Variants in RBFOX1 observed in about 807,000 individuals in gnomAD.
The protein encoded by RBFOX1 is RNA binding protein fox-1 homolog 1.
A neutral mutation model predicts 57.7 loss-of-function variants in RBFOX1; 8 were observed. That is an observed-to-expected ratio of 0.14 (90% CI 0.08 to 0.25). The LOEUF (loss-of-function observed/expected upper bound fraction) is 0.25. RBFOX1 is among the 10% of genes least tolerant of loss of function. RBFOX1 has a pLI of 1.00. For synonymous variants in RBFOX1, 326 were observed against 222.4 expected, an observed-to-expected ratio of 1.47 and a Z score of -4.15; for missense variants, 611 against 548.5, an observed-to-expected ratio of 1.11 and a Z score of -1.14.
At chr16:7,459,124 G>A (rs896909465) in intron 4 of RBFOX1, among the ~76,000 whole-genome samples, 9 of 152,140 alleles carry the variant, frequency 5.9e-5, no homozygotes, top group Non-Finnish European at 1.3e-4. Flanking sequence ...ACAGTTGGGT[G>A]GGTGAGTGGA....
intron 3 of RBFOX1, among the ~76,000 whole-genome samples, chr16:5,826,875 A>G (rs908152571): frequency 6.6e-6 from 1 of 152,216 alleles, no homozygotes; most frequent in Non-Finnish European, 1.5e-5. Flanking sequence ...CCGTGGCAGG[A>G]GCAAGCTAAG....
intron 3 of RBFOX1, among the ~76,000 whole-genome samples, chr16:6,658,945 G>GTTTTTT (rs778640073): frequency 8.6e-5 from 12 of 139,438 alleles, no homozygotes; most frequent in Non-Finnish European, 1.4e-4. Flanking sequence ...TGTTTTTTTT[G>GTTTTTT]TTTTTTTTTT....
chr16:5,906,968 C>G (rs1427357962), intron 4 of RBFOX1, among the ~76,000 whole-genome samples: 3 of 151,888 alleles, frequency 2.0e-5, no homozygotes, highest in East Asian at 1.9e-4. Flanking sequence ...AACTCCTGAC[C>G]TCAGGTGATC....
chr16:6,800,157 T>C (rs1467199313), intron 3 of RBFOX1, among the ~76,000 whole-genome samples: 1 of 151,266 alleles, frequency 6.6e-6, no homozygotes, highest in Non-Finnish European at 1.5e-5. Context: ...CCAATTTCTT[T>C]GCGACATCCA....
chr16:6,971,123 A>T lies in RBFOX1; in HGVS notation c.-15-80934A>T, dbSNP rs117345127. On this transcript the variant is annotated intron_variant, in intron 3 of 15. Transcript: ENST00000550418. Reference sequence around the variant, plus strand: ...GTTATAATCTAGCGGAGGAAGACAGACATTTGACAATTGAGTGGGTCTACT... The same window carrying T: ...GTTATAATCTAGCGGAGGAAGACAGTCATTTGACAATTGAGTGGGTCTACT... 3.0e-3 allele frequency among the ~76,000 whole-genome samples: 464 copies of T among 152,330 alleles called. 3 individuals are homozygous for T. Among genetic ancestry groups the T allele is most frequent in the Non-Finnish European group, 5.7e-3 (388 of 68,034 alleles).
intron 4 of RBFOX1, among the ~76,000 whole-genome samples, chr16:5,996,039 C>G (rs988812596): frequency 3.3e-5 from 5 of 152,068 alleles, no homozygotes; most frequent in Admixed American, 2.0e-4. Flanking sequence ...TCTGGGACCT[C>G]TTTTATAAGA....
chr16:7,073,884 G>A (rs554908298), intron 4 of RBFOX1, among the ~76,000 whole-genome samples: 1 of 148,982 alleles, frequency 6.7e-6, no homozygotes, highest in Non-Finnish European at 1.5e-5. Context: ...ATAAATACTA[G>A]ATGTGTAGAA....
At chr16:7,119,585 A>G (rs1366299007) in intron 4 of RBFOX1, among the ~76,000 whole-genome samples, 1 of 152,118 alleles carries the variant, frequency 6.6e-6, no homozygotes, top group Non-Finnish European at 1.5e-5. Flanking sequence ...AGGAAAAACA[A>G]CAACAAAAAA....
chr16:5,509,423 A>G (rs750231604), intron 2 of RBFOX1, among the ~76,000 whole-genome samples: 19 of 152,200 alleles, frequency 1.2e-4, no homozygotes, highest in Non-Finnish European at 1.9e-4. Context: ...TCCCAAGGAC[A>G]GGGGCCTCAG....
At chr16:6,052,221 C>G (rs1463661321) in intron 1 of RBFOX1, among the ~76,000 whole-genome samples, 6 of 152,098 alleles carry the variant, frequency 3.9e-5, no homozygotes, top group Non-Finnish European at 8.8e-5. Context: ...CTTCCATTTC[C>G]TTCATAGTAG....
intron 4 of RBFOX1, among the ~76,000 whole-genome samples, chr16:7,432,055 GA>G (rs1180578059): frequency 6.6e-6 from 1 of 152,228 alleles, no homozygotes; most frequent in Non-Finnish European, 1.5e-5. Context: ...CAGTGGGAAG[GA>G]GGGTGTCACT....
intron 4 of RBFOX1, among the ~76,000 whole-genome samples, chr16:5,868,465 C>T (rs766952136): frequency 1.3e-5 from 2 of 152,222 alleles, no homozygotes; most frequent in African/African-American, 4.8e-5. Flanking sequence ...TGATCCATCA[C>T]ACAGTCGTTA....
At chr16:7,675,951 C>G (rs933671473) in intron 13 of RBFOX1, among the ~76,000 whole-genome samples, 5 of 152,216 alleles carry the variant, frequency 3.3e-5, no homozygotes, top group African/African-American at 7.2e-5. Context: ...GTTTGATCAT[C>G]AACGCTCCAC....
intron 3 of RBFOX1, among the ~76,000 whole-genome samples, chr16:6,938,962 T>C (rs575405138): frequency 1.9e-4 from 29 of 152,056 alleles, no homozygotes; most frequent in African/African-American, 7.0e-4. Flanking sequence ...AAATGGAGAA[T>C]GGAGATTTTG....
At chr16:6,480,504 C>G (rs1272518327) in intron 2 of RBFOX1, among the ~76,000 whole-genome samples, 1 of 152,178 alleles carries the variant, frequency 6.6e-6, no homozygotes, top group Non-Finnish European at 1.5e-5. Context: ...TATTATTCTT[C>G]TTTTGACTTT....
At chr16:6,853,397 C>T (rs866538436) in intron 3 of RBFOX1, among the ~76,000 whole-genome samples, 4 of 152,072 alleles carry the variant, frequency 2.6e-5, no homozygotes, top group African/African-American at 9.7e-5. Context: ...AATTTTAGTT[C>T]GCAGAGTTAC....
chr16:6,819,855 A>G lies in RBFOX1; in HGVS notation c.-16+165205A>G, dbSNP rs549331268. 6.6e-4 allele frequency among the ~76,000 whole-genome samples: 101 copies of G among 152,244 alleles called. 4 individuals carry two copies. The South Asian group carries it at 0.02, about 31-fold the overall frequency. On this transcript the variant is annotated intron_variant, in intron 3 of 15. Coordinates refer to ENST00000550418, the MANE Select transcript of RBFOX1 (RefSeq NM_018723.4). The stretch of plus-strand genomic sequence containing the variant: ...CATTTGAATCCAGCCCTCTGATTCC[A>G]GTGTAACCTACAATGTAAGTGCTTT...
chr16:6,613,711 C>G (rs1361500441), intron 2 of RBFOX1, among the ~76,000 whole-genome samples: 1 of 152,176 alleles, frequency 6.6e-6, no homozygotes, highest in Non-Finnish European at 1.5e-5. Flanking sequence ...CCAAGGAGGG[C>G]AGATCACTCG....
At chr16:5,521,730 A>G (rs1367111307) in intron 2 of RBFOX1, among the ~76,000 whole-genome samples, 1 of 152,214 alleles carries the variant, frequency 6.6e-6, no homozygotes, top group Non-Finnish European at 1.5e-5. Flanking sequence ...GGTTAGGGAC[A>G]ATGATCTCCT....
Sources: gnomAD v4.1 joint callset for allele counts (sites outside exome capture counted in the v4.1 genomes callset) on GRCh38, gnomAD v4.1.1 for gene constraint, MANE v1.5 for transcripts, NCBI Gene and HGNC (gene_info 2026-07-23, HGNC 2026-07-21) for gene names.